Variants in NTF3 observed in about 807,000 individuals in gnomAD.
NTF3 encodes the protein neurotrophin-3.
A neutral mutation model predicts 26.3 loss-of-function variants in NTF3; 8 were observed. The observed-to-expected ratio is 0.30, with a 90% CI of 0.18 to 0.55. NTF3 has a LOEUF of 0.55. Ranked by LOEUF, NTF3 falls within the 20% of genes least tolerant of loss-of-function variation. The pLI is 0.93. For synonymous variants in NTF3, 154 were observed against 145.5 expected (o/e 1.06, Z -0.42); for missense variants, 276 against 352.9 (o/e 0.78, Z 1.75).
rs77809843 is a variant in NTF3 at position 5,451,714 on chromosome 12, A to G, written c.18+19372A>G. ...TTACTTTAATGTAATTTTTAGAGACAAGGTCTTACTTTGTCTTGTAGACTC... is the reference window on the plus strand; with the variant it reads ...TTACTTTAATGTAATTTTTAGAGACGAGGTCTTACTTTGTCTTGTAGACTC... On this transcript the variant is annotated intron_variant, in intron 1 of 1. Coordinates refer to ENST00000423158, the MANE Select transcript of NTF3 (RefSeq NM_001102654.2). 6.9e-3 allele frequency among the ~76,000 whole-genome samples: 1,051 copies of G among 152,240 alleles called. 8 individuals are homozygous for G. Among genetic ancestry groups the G allele is most frequent in the African/African-American group, 0.023 (950 of 41,532 alleles).
intron 1 of NTF3, among the ~76,000 whole-genome samples, chr12:5,435,459 G>A (rs73039962): frequency 0.08 from 12,169 of 152,244 alleles, 558 homozygotes; most frequent in South Asian, 0.12. Flanking sequence ...GATCTTGGGG[G>A]CCAAAGGGAA....
chr12:5,430,925 G>C (rs1940078123), upstream of NTF3, among the ~76,000 whole-genome samples: 1 of 151,918 alleles, frequency 6.6e-6, no homozygotes, highest in Non-Finnish European at 1.5e-5. Context: ...CTCGGGAAGC[G>C]GGCAAGTGGG....
rs374882330 is a variant in NTF3, at chr12:5,494,651, G to T, written c.476G>T (p.Arg159Leu). The change falls in exon 2 of 2, where the codon CGA (arginine) becomes CTA (leucine). Residue 159 changes from arginine (R) to leucine (L), a missense_variant. By Grantham distance (102) the Arg-to-Leu change is moderately radical. Around this residue, in one of 3 missense-constraint regions of NTF3, gnomAD observed 221 missense variants for 258.2 expected, o/e 0.86. Coordinates refer to ENST00000423158, the MANE Select transcript of NTF3 (RefSeq NM_001102654.2). The surrounding 1 kb of genome is among the most constrained non-coding windows in gnomAD (Gnocchi z 8.3). ...RKRYAEHKSH[R>L]GEYSVCDSES... is the part of the protein sequence containing the mutation. ...CGGTACGCGGAGCATAAGAGTCACC[G>T]AGGGGAGTACTCGGTATGTGACAGT... The T allele has an allele frequency of 3.9e-5, 63 of 1,614,032 alleles. No homozygotes were observed. Among genetic ancestry groups the T allele is most frequent in the Non-Finnish European group, 5.3e-5 (62 of 1,180,058 alleles).
At chr12:5,491,486 C>G (rs751470579) in intron 1 of NTF3, among the ~76,000 whole-genome samples, 1 of 152,040 alleles carries the variant, frequency 6.6e-6, no homozygotes, top group Non-Finnish European at 1.5e-5. Context: ...CAGGTGCTAT[C>G]GTTGGGATCT....
chr12:5,442,432 G>C (rs1431272606), intron 1 of NTF3, among the ~76,000 whole-genome samples: 1 of 152,134 alleles, frequency 6.6e-6, no homozygotes, highest in South Asian at 2.1e-4. Context: ...GCTTGGGGAG[G>C]TGTAGGTGTG....
chr12:5,431,257 G>A (rs905002255), upstream of NTF3, among the ~76,000 whole-genome samples: 2 of 152,264 alleles, frequency 1.3e-5, no homozygotes, highest in East Asian at 3.9e-4. Flanking sequence ...GGTGGGTGCT[G>A]GGCGAGTGAT....
intron 1 of NTF3, among the ~76,000 whole-genome samples, chr12:5,464,221 G>A (rs764544363): frequency 5.3e-5 from 8 of 152,168 alleles, no homozygotes; most frequent in Non-Finnish European, 1.2e-4. Context: ...TGACTGGTTC[G>A]TGTGCTAGAC....
In NTF3 at chr12:5,495,010, T is replaced by A; in HGVS notation, c.*22T>A. ...ATGAATTGGCATCTCTCCCCATATATAAATTATTACTTTAAATTATATGAT... is the reference window on the plus strand; with the variant it reads ...ATGAATTGGCATCTCTCCCCATATAAAAATTATTACTTTAAATTATATGAT... On this transcript the variant is annotated 3_prime_UTR_variant, in exon 2 of 2. Coordinates refer to ENST00000423158, the MANE Select transcript of NTF3 (RefSeq NM_001102654.2). 1 of 1,588,784 alleles carries A rather than the reference T, an allele frequency of 6.3e-7. No homozygotes were observed. Among genetic ancestry groups the A allele is most frequent in the East Asian group, 2.3e-5 (1 of 42,662 alleles).
chr12:5,473,777 G>A (rs1940692790), intron 1 of NTF3, among the ~76,000 whole-genome samples: 1 of 152,188 alleles, frequency 6.6e-6, no homozygotes. Flanking sequence ...TGCCATTCTG[G>A]GCAGTGGGCA....
chr12:5,441,898 C>T (rs986130049), intron 1 of NTF3, among the ~76,000 whole-genome samples: 7 of 152,342 alleles, frequency 4.6e-5, no homozygotes, highest in African/African-American at 1.4e-4. Flanking sequence ...TTCTTCCCCA[C>T]ATCTTAGCCT....
upstream of NTF3, among the ~76,000 whole-genome samples, chr12:5,431,287 T>C (rs555406934): frequency 3.9e-4 from 59 of 152,274 alleles, no homozygotes; most frequent in Middle Eastern, 6.8e-3. Flanking sequence ...GGCCCCATCC[T>C]AGTTTGGAAG....
At chr12:5,463,471 G>A (rs1259187547) in intron 1 of NTF3, among the ~76,000 whole-genome samples, 1 of 152,154 alleles carries the variant, frequency 6.6e-6, no homozygotes, top group Non-Finnish European at 1.5e-5. Flanking sequence ...CGTGGAGGAG[G>A]TAGCCTTTGT....
chr12:5,442,499 G>C (rs889638646), intron 1 of NTF3, among the ~76,000 whole-genome samples: 6 of 152,108 alleles, frequency 3.9e-5, no homozygotes, highest in Non-Finnish European at 7.4e-5. Context: ...GTGGGGGTGA[G>C]TCCACCTCAG....
intron 1 of NTF3, among the ~76,000 whole-genome samples, chr12:5,489,689 C>T (rs1012750538): frequency 1.3e-5 from 2 of 152,118 alleles, no homozygotes; most frequent in African/African-American, 4.8e-5. Context: ...GGAGGTGCTC[C>T]TGTGTAGGGA....
At chr12:5,447,147 C>G (rs1940316620) in intron 1 of NTF3, among the ~76,000 whole-genome samples, 1 of 152,138 alleles carries the variant, frequency 6.6e-6, no homozygotes, top group Non-Finnish European at 1.5e-5. Flanking sequence ...CCCATCCCAC[C>G]CCAAATATAC....
intron 1 of NTF3, among the ~76,000 whole-genome samples, chr12:5,444,378 G>A (rs564355063): frequency 1.4e-4 from 21 of 152,330 alleles, no homozygotes; most frequent in African/African-American, 5.1e-4. Context: ...AACAAATGTG[G>A]AGAGAGAGCA....
chr12:5,481,423 G>A (rs1940791391), intron 1 of NTF3, among the ~76,000 whole-genome samples: 1 of 4,442 alleles, frequency 2.3e-4, no homozygotes. Flanking sequence ...ACACCTACAT[G>A]CACACATACA....
intron 1 of NTF3, among the ~76,000 whole-genome samples, chr12:5,436,136 C>G (rs538600629): frequency 1.7e-4 from 26 of 152,308 alleles, no homozygotes; most frequent in Non-Finnish European, 3.2e-4. Context: ...AGAGTGAAGG[C>G]TGTGCTTTTG....
At chr12:5,472,229 G>A (rs1223891748) in intron 1 of NTF3, among the ~76,000 whole-genome samples, 6 of 152,304 alleles carry the variant, frequency 3.9e-5, no homozygotes, top group Non-Finnish European at 8.8e-5. Flanking sequence ...AAGAAGGGCA[G>A]TGTTTGGTGT....
Sources: gnomAD v4.1 joint callset for allele counts (sites outside exome capture counted in the v4.1 genomes callset) on GRCh38, gnomAD v4.1.1 for gene constraint, gnomAD v4.1.1 regional missense constraint, Gnocchi (gnomAD v3.1) non-coding constraint, MANE v1.5 for transcripts, NCBI Gene and HGNC (gene_info 2026-07-23, HGNC 2026-07-21) for gene names.